Variants in MAP3K7 observed in about 807,000 individuals in gnomAD.
The protein encoded by MAP3K7 is TGF-beta activated kinase 1.
A neutral mutation model predicts 84.8 loss-of-function variants in MAP3K7; 21 were observed. That is an observed-to-expected ratio of 0.25 (90% CI 0.18 to 0.36). The LOEUF (loss-of-function observed/expected upper bound fraction) is 0.36. Ranked by LOEUF, MAP3K7 falls within the 10% of genes least tolerant of loss-of-function variation. The pLI, the probability that MAP3K7 is intolerant of heterozygous loss-of-function variation, is 1.00. For synonymous variants in MAP3K7, 241 were observed against 247.7 expected, an observed-to-expected ratio of 0.97 and a Z score of 0.25; for missense variants, 503 against 747.7, an observed-to-expected ratio of 0.67 and a Z score of 3.82.
At chr6:90,578,994 G>C (rs1242497847) in intron 1 of MAP3K7, among the ~76,000 whole-genome samples, 1 of 152,066 alleles carries the variant, frequency 6.6e-6, no homozygotes, top group Non-Finnish European at 1.5e-5. Context: ...CTACCTTAGA[G>C]AGAAGAAAAC....
At chr6:90,552,613 A>C (rs899585960) in intron 7 of MAP3K7, among the ~76,000 whole-genome samples, 4 of 152,246 alleles carry the variant, frequency 2.6e-5, no homozygotes, top group African/African-American at 9.6e-5. Flanking sequence ...CATTAGTCAC[A>C]TGATTATAAA....
At chr6:90,529,922 C>T (rs1775452580) in intron 13 of MAP3K7, among the ~76,000 whole-genome samples, 1 of 152,116 alleles carries the variant, frequency 6.6e-6, no homozygotes, top group African/African-American at 2.4e-5. Context: ...GCTATTAGCA[C>T]TCAGATACAA....
At position 90,547,285 on chromosome 6, in the gene MAP3K7, T is replaced by C. The variant is rs1201119850; in HGVS notation, c.1183A>G (p.Ile395Val). The C allele has an allele frequency of 1.2e-6, 2 of 1,613,476 alleles. No individual in the cohort carries two copies. The highest frequency in any genetic ancestry group is 1.7e-5 in the Admixed American group (1 of 59,956). Reference protein sequence around the residue: ...GKRMSADMSEIEARIAATTAY... With the variant: ...GKRMSADMSEVEARIAATTAY... Reference sequence around the variant, plus strand: ...GTGGTTGCGGCGATCCTAGCTTCTATTTCAGACATGTCAGCACTCATCCTC... The same window carrying C: ...GTGGTTGCGGCGATCCTAGCTTCTACTTCAGACATGTCAGCACTCATCCTC... Residue 395 changes from isoleucine to valine, a missense_variant, in exon 11 of 17, where the codon ATA becomes GTA. Physicochemically the swap from Ile to Val is conservative, Grantham distance 29. Coordinates refer to ENST00000369329, the MANE Select transcript of MAP3K7 (RefSeq NM_145331.3).
intron 12 of MAP3K7, 75 bp downstream of exon 12, chr6:90,544,477 G>A: frequency 7.6e-7 from 1 of 1,309,828 alleles, no homozygotes; most frequent in Non-Finnish European, 1.1e-6. Flanking sequence ...ATTGGAGCAA[G>A]AAGCATTTTA....
intron 16 of MAP3K7, 76 bp from the exon 17 acceptor site, chr6:90,516,757 T>TA: frequency 1.7e-6 from 2 of 1,175,512 alleles, no homozygotes; most frequent in Non-Finnish European, 2.4e-6. Context: ...GAAGCTCAAT[T>TA]AATGAGAATT....
rs775701255 is a variant in MAP3K7 at position 90,586,846 on chromosome 6, G to A, written c.38C>T (p.Ser13Phe). The change falls in exon 1 of 17, where the codon TCT (serine) becomes TTT (phenylalanine). Residue 13 changes from serine (S) to phenylalanine (F), a missense_variant. Physicochemically the swap from Ser to Phe is radical, Grantham distance 155. This residue lies in a region of MAP3K7 where 41 missense variants were observed against 41.4 expected (regional missense o/e 0.99). Transcript: ENST00000369329. ...GGCTTCGATCATCTCACCGGCCGAAGACGAGGAGGAGGAGGAGGCGGCAGA... is the reference window on the plus strand; with the variant it reads ...GGCTTCGATCATCTCACCGGCCGAAAACGAGGAGGAGGAGGAGGCGGCAGA... ...TASAASSSSS[S>F]SAGEMIEAPS... 1.9e-6 allele frequency: 3 copies of A among 1,611,096 alleles called. No homozygotes were observed. Among genetic ancestry groups the A allele is most frequent in the Middle Eastern group, 1.7e-4 (1 of 6,036 alleles).
chr6:90,531,025 A>C (rs1366007122), intron 13 of MAP3K7, among the ~76,000 whole-genome samples: 5 of 152,196 alleles, frequency 3.3e-5, no homozygotes, highest in Non-Finnish European at 7.3e-5. Context: ...GGCAAACTTG[A>C]CTTACCAAAA....
chr6:90,516,447 C>A lies in MAP3K7; in HGVS notation c.*54G>T. On this transcript the variant is annotated 3_prime_UTR_variant, in exon 17 of 17. Coordinates refer to ENST00000369329, the MANE Select transcript of MAP3K7 (RefSeq NM_145331.3). ...AATCGTCATTATAAGGTTTTCCTTT[C>A]CTTAAAAAAAAAGTCTTTCTTTGCA... is the stretch of plus-strand genomic sequence containing the variant. The A allele has an allele frequency of 1.3e-6, 2 of 1,568,432 alleles. No homozygotes were observed. Among genetic ancestry groups the A allele is most frequent in the Non-Finnish European group, 1.7e-6 (2 of 1,154,694 alleles).
intron 4 of MAP3K7, 58 bp downstream of exon 4, chr6:90,561,564 T>A: frequency 7.6e-7 from 1 of 1,313,606 alleles, no homozygotes; most frequent in Non-Finnish European, 1.1e-6. Context: ...AGGGTTTATA[T>A]TAAAATTTTT....
intron 12 of MAP3K7, 159 bp from the exon 13 acceptor site, chr6:90,536,560 AGAAG>A: frequency 1.7e-6 from 1 of 590,884 alleles, no homozygotes; most frequent in Non-Finnish European, 3.0e-6. Flanking sequence ...AAAAAAAAAA[AGAAG>A]AGAAAGATGT....
rs192436257 is a variant in MAP3K7, at chr6:90,536,493, C to T, written c.1292-92G>A. 4.2e-5 allele frequency: 37 copies of T among 882,658 alleles called. No individual in the cohort carries two copies. The African/African-American group carries it at 5.7e-4, about 13-fold the overall frequency. The allele number at this position is 882,658 out of a possible 1,614,324, so 54.7% of individuals were successfully genotyped here. A position where few individuals can be genotyped will look rare whatever the true frequency, so the allele number is the denominator to read the frequency against. ...TACAGCAGAAAGTTGGAATTTGTTG[C>T]TCCTTGGATCTACACAAAATGTTTG... On this transcript the variant is annotated intron_variant, in intron 12 of 16. Transcript: ENST00000369329.
At chr6:90,547,965 A>G (rs1776057100) in intron 10 of MAP3K7, 82 bp downstream of exon 10, 1 of 1,116,580 alleles carries the variant, frequency 9.0e-7, no homozygotes, top group Non-Finnish European at 1.2e-6. Flanking sequence ...AAAATAGAAG[A>G]TGGTAAATAA....
At chr6:90,557,650 T>C (rs1215410853) in intron 5 of MAP3K7, among the ~76,000 whole-genome samples, 1 of 152,198 alleles carries the variant, frequency 6.6e-6, no homozygotes, top group Non-Finnish European at 1.5e-5. Flanking sequence ...CTGTAACTAG[T>C]TTCCTTGTTT....
In MAP3K7 at chr6:90,516,076, A is replaced by G. The variant is rs893728074; in HGVS notation, c.*425T>C. On this transcript the variant is annotated 3_prime_UTR_variant, in exon 17 of 17. Transcript: ENST00000369329. Reference sequence around the variant, plus strand: ...AACTTGGTATATACCATCTTTTGGGAAAAAAATTATTAATATTTTGAGATG... The same window carrying G: ...AACTTGGTATATACCATCTTTTGGGGAAAAAATTATTAATATTTTGAGATG... 1 of 180,732 alleles carries G rather than the reference A, an allele frequency of 5.5e-6. No individual in the cohort carries two copies. The highest frequency in any genetic ancestry group is 2.4e-5 in the African/African-American group (1 of 41,602). The allele number at this position is 180,732 out of a possible 1,614,324, so 11.2% of individuals were successfully genotyped here.
rs1234901635 is a variant in MAP3K7 at position 90,515,570 on chromosome 6, C to A, written c.*931G>T. 1 of 151,364 alleles carries A rather than the reference C, an allele frequency of 6.6e-6. No individual in the cohort carries two copies. The highest frequency in any genetic ancestry group is 1.5e-5 in the Non-Finnish European group (1 of 67,778). 9.4% of individuals were successfully genotyped at this position (151,364 alleles called of 1,614,324 possible). A position where few individuals can be genotyped will look rare whatever the true frequency, so the allele number is the denominator to read the frequency against. ...GGTATCATAAAAAGAAATCTAAGTC[C>A]AAGCTTTTTTTAGCTGGAGTAATTA... On this transcript the variant is annotated 3_prime_UTR_variant, in exon 17 of 17. Transcript: ENST00000369329.
intron 9 of MAP3K7, among the ~76,000 whole-genome samples, chr6:90,548,680 G>A (rs1582197888): frequency 6.6e-6 from 1 of 151,904 alleles, no homozygotes; most frequent in Non-Finnish European, 1.5e-5. Context: ...AAGTGAAGAA[G>A]CCAAATGAGC....
At position 90,560,054 on chromosome 6, in the gene MAP3K7, G is replaced by A. The variant is rs748448647; in HGVS notation, c.482+22C>T. 3.1e-6 allele frequency: 5 copies of A among 1,613,898 alleles called. No homozygotes were observed. The African/African-American group carries it at 6.7e-5, about 22-fold the overall frequency. On this transcript the variant is annotated intron_variant, in intron 5 of 16. Coordinates refer to ENST00000369329, the MANE Select transcript of MAP3K7 (RefSeq NM_145331.3). Reference sequence around the variant, plus strand: ...GAGAGAAGGAGGAAGAGGCTGAGGGGTGTCACATTATTATAACTTACTTTG... The same window carrying A: ...GAGAGAAGGAGGAAGAGGCTGAGGGATGTCACATTATTATAACTTACTTTG...
intron 1 of MAP3K7, among the ~76,000 whole-genome samples, chr6:90,573,873 C>T (rs1449922529): frequency 6.6e-6 from 1 of 152,244 alleles, no homozygotes; most frequent in African/African-American, 2.4e-5. Flanking sequence ...CCATTTCACT[C>T]GTCCTAGCCC....
chr6:90,568,153 T>A (rs964922555), intron 3 of MAP3K7, among the ~76,000 whole-genome samples: 7 of 152,136 alleles, frequency 4.6e-5, no homozygotes, highest in African/African-American at 1.7e-4. Context: ...ACATGGCAAA[T>A]GTATACATAC....
Sources: gnomAD v4.1 joint callset for allele counts (sites outside exome capture counted in the v4.1 genomes callset) on GRCh38, gnomAD v4.1.1 for gene constraint, gnomAD v4.1.1 regional missense constraint, MANE v1.5 for transcripts, NCBI Gene and HGNC (gene_info 2026-07-23, HGNC 2026-07-21) for gene names.